Variants in DNAH6 observed in about 807,000 individuals in gnomAD.
DNAH6 encodes the protein dynein axonemal heavy chain 6, also known as axonemal beta dynein heavy chain 6.
DNAH6 carries 340 observed loss-of-function variants against 491.4 expected under a neutral mutation model. The ratio of observed to expected loss-of-function variants is 0.69; its 90% CI spans 0.63 to 0.76. The LOEUF is 0.76. DNAH6 is among the 30% of genes least tolerant of loss of function. DNAH6 has a pLI of 0.00. For synonymous variants in DNAH6, 1,603 were observed against 1,686.1 expected, an observed-to-expected ratio of 0.95 and a Z score of 1.21; for missense variants, 4,443 against 4,972.2, an observed-to-expected ratio of 0.89 and a Z score of 3.20.
chr2:84,577,371 G>GA lies in DNAH6; in HGVS notation c.2040dup (p.Glu681ArgfsTer32). Reference sequence around the variant, plus strand: ...CTGCTCATTGATACTAGGCTTCTAAGAGAAAAATTAATTCCATCACCTTTG... The same window carrying GA: ...CTGCTCATTGATACTAGGCTTCTAAGAAGAAAAATTAATTCCATCACCTTTG... On this transcript the variant is annotated frameshift_variant, in exon 13 of 77. Transcript: ENST00000389394. LOFTEE classifies it high-confidence loss of function. 1 of 1,609,768 alleles carries GA rather than the reference G, an allele frequency of 6.2e-7. No individual in the cohort carries two copies. Among genetic ancestry groups the GA allele is most frequent in the Non-Finnish European group, 8.5e-7 (1 of 1,177,930 alleles).
At chr2:84,476,276 C>T in the DNAH6 span, among the ~76,000 whole-genome samples, 7 of 152,222 alleles carry the variant, frequency 4.6e-5, no homozygotes, top group Non-Finnish European at 7.4e-5. Flanking sequence ...ACTATAGTTA[C>T]GGGAAATTGC....
intron 16 of DNAH6, among the ~76,000 whole-genome samples, chr2:84,590,800 G>A (rs976955983): frequency 6.6e-6 from 1 of 152,170 alleles, no homozygotes; most frequent in Non-Finnish European, 1.5e-5. Flanking sequence ...TTAGGAGGAA[G>A]TTCTCAGCTT....
Position 84,588,306 on chromosome 2 carries a change from C to A in DNAH6, c.2482-520C>A, listed in dbSNP as rs529960226. 1.7e-4 allele frequency among the ~76,000 whole-genome samples: 26 copies of A among 152,206 alleles called. 1 individual carries two copies. Among genetic ancestry groups the A allele is most frequent in the Non-Finnish European group, 3.4e-4 (23 of 68,036 alleles). ...TCAATTTTCTCAGATTATCCCAAAC[C>A]TAGTTAAGTGCTTCTGCTTTGCTCC... On this transcript the variant is annotated intron_variant, in intron 15 of 76. Transcript: ENST00000389394.
At chr2:84,662,110 T>A (rs1435372308) in intron 37 of DNAH6, among the ~76,000 whole-genome samples, 6 of 149,648 alleles carry the variant, frequency 4.0e-5, no homozygotes. Flanking sequence ...CCTTGAGGTT[T>A]AAAAAAAAAA....
intron 4 of DNAH6, among the ~76,000 whole-genome samples, chr2:84,543,718 AAG>A (rs1232462378): frequency 1.3e-5 from 2 of 152,170 alleles, no homozygotes; most frequent in African/African-American, 4.8e-5. Context: ...CAACAGTTGA[AAG>A]AGAGATATTA....
the DNAH6 span, among the ~76,000 whole-genome samples, chr2:84,499,478 ATTGTAAAC>A: frequency 6.6e-6 from 1 of 152,190 alleles, no homozygotes; most frequent in Non-Finnish European, 1.5e-5. Context: ...CATCTTATCT[ATTGTAAAC>A]AGTGCTGGAA....
At chr2:84,666,550 GT>G (rs1692146944) in intron 37 of DNAH6, among the ~76,000 whole-genome samples, 3 of 152,166 alleles carry the variant, frequency 2.0e-5, no homozygotes, top group African/African-American at 7.2e-5. Flanking sequence ...TACAAGGAAT[GT>G]GAAGGACCTC....
chr2:84,653,417 T>G lies in DNAH6; in HGVS notation c.5177T>G (p.Leu1726Arg), dbSNP rs1690648850. The G allele has an allele frequency of 1.3e-6, 2 of 1,551,168 alleles. No homozygotes were observed. Among genetic ancestry groups the G allele is most frequent in the Middle Eastern group, 3.3e-4 (2 of 5,986 alleles). ...TIVDVMNRQN[L>R]QPEMCMVRKV... ...GTGGATGTCATGAATAGACAAAATCTTCAGCCTGAGATGTGTATGGTTAGA... is the reference window on the plus strand; with the variant it reads ...GTGGATGTCATGAATAGACAAAATCGTCAGCCTGAGATGTGTATGGTTAGA... Residue 1726 changes from leucine (L) to arginine (R), a missense_variant, in exon 34 of 77, where the codon CTT becomes CGT. Leu to Arg is a moderately radical substitution (Grantham distance 102). This residue lies in a region of DNAH6 where 2,977 missense variants were observed against 3,296.6 expected (regional missense o/e 0.90). Transcript: ENST00000389394.
chr2:84,462,174 A>T, the DNAH6 span, among the ~76,000 whole-genome samples: 2 of 152,244 alleles, frequency 1.3e-5, no homozygotes, highest in African/African-American at 2.4e-5. Flanking sequence ...CATCACTCTG[A>T]GGCTCACCTG....
intron 46 of DNAH6, 58 bp downstream of exon 46, chr2:84,694,538 G>C: frequency 7.7e-7 from 1 of 1,297,182 alleles, no homozygotes; most frequent in Non-Finnish European, 1.1e-6. Context: ...TTACAATCGG[G>C]TGTGTGCTTT....
chr2:84,579,011 T>C (rs1329586995), intron 13 of DNAH6, among the ~76,000 whole-genome samples: 1 of 152,222 alleles, frequency 6.6e-6, no homozygotes, highest in Non-Finnish European at 1.5e-5. Context: ...TCCCCAGCCA[T>C]GCTGAACTGT....
intron 62 of DNAH6, among the ~76,000 whole-genome samples, chr2:84,733,806 A>T (rs954775800): frequency 6.6e-6 from 1 of 151,572 alleles, no homozygotes. Context: ...TACACACACC[A>T]TATATTTTAT....
intron 40 of DNAH6, among the ~76,000 whole-genome samples, chr2:84,673,024 G>A (rs1252174118): frequency 1.3e-5 from 2 of 152,160 alleles, no homozygotes; most frequent in Non-Finnish European, 2.9e-5. Context: ...GAGCTTCAGA[G>A]GGTGGACAGA....
chr2:84,650,079 T>G (rs1048226625), intron 33 of DNAH6, among the ~76,000 whole-genome samples: 1 of 152,202 alleles, frequency 6.6e-6, no homozygotes, highest in Non-Finnish European at 1.5e-5. Context: ...TTGTTTTCTT[T>G]GTCTTCCATT....
At chr2:84,593,538 A>G (rs1393353663) in intron 16 of DNAH6, among the ~76,000 whole-genome samples, 1 of 152,034 alleles carries the variant, frequency 6.6e-6, no homozygotes, top group Non-Finnish European at 1.5e-5. Context: ...CTTAAACTTC[A>G]CCATCTTCCC....
In DNAH6 at chr2:84,755,977, C is replaced by G. The variant is rs531625360; in HGVS notation, c.10513-6778C>G. ...AGGAGTTCCCCTGCGCAAGCATTCT[C>G]TCTTTGCCTGCTGCCATCCATGTAA... is the stretch of plus-strand genomic sequence containing the variant. On this transcript the variant is annotated intron_variant, in intron 63 of 76. Coordinates refer to ENST00000389394, the MANE Select transcript of DNAH6 (RefSeq NM_001370.2). 1.0e-3 allele frequency among the ~76,000 whole-genome samples: 159 copies of G among 152,336 alleles called. 1 individual carries two copies. Among genetic ancestry groups the G allele is most frequent in the Non-Finnish European group, 1.9e-3 (127 of 68,028 alleles).
intron 61 of DNAH6, among the ~76,000 whole-genome samples, chr2:84,731,727 T>A (rs1699134452): frequency 6.6e-6 from 1 of 152,294 alleles, no homozygotes; most frequent in Non-Finnish European, 1.5e-5. Context: ...GAAAGGAGGT[T>A]GATGGAATTA....
the DNAH6 span, among the ~76,000 whole-genome samples, chr2:84,494,378 G>C: frequency 6.6e-6 from 1 of 152,176 alleles, no homozygotes; most frequent in African/African-American, 2.4e-5. Context: ...GGAGACATTA[G>C]CAGAATTTCT....
At chr2:84,494,606 AC>A in the DNAH6 span, among the ~76,000 whole-genome samples, 1 of 152,244 alleles carries the variant, frequency 6.6e-6, no homozygotes, top group Non-Finnish European at 1.5e-5. Context: ...TTAGAAAAAA[AC>A]ACGGGGACAG....
Sources: gnomAD v4.1 joint callset for allele counts (sites outside exome capture counted in the v4.1 genomes callset) on GRCh38, gnomAD v4.1.1 for gene constraint, gnomAD v4.1.1 regional missense constraint, MANE v1.5 for transcripts, NCBI Gene and HGNC (gene_info 2026-07-23, HGNC 2026-07-21) for gene names.